The following ANK2 variants were observed in gnomAD, a reference collection of about 807,000 sequenced individuals.
ANK2 encodes ankyrin-2.
In ANK2, 83 loss-of-function variants were observed where a neutral mutation model predicts 360.5. That is an observed-to-expected ratio of 0.23 (90% CI 0.19 to 0.28). ANK2 has a LOEUF of 0.28. Ranked by LOEUF, ANK2 falls within the 10% of genes least tolerant of loss-of-function variation. The pLI, the probability that ANK2 is intolerant of heterozygous loss-of-function variation, is 1.00. For missense variants in ANK2, 4,201 were observed against 4,795.7 expected (o/e 0.88, Z 3.66); for synonymous variants, 1,740 against 1,759.5 (o/e 0.99, Z 0.28).
chr4:112,995,242 TTCCCTTTTC>T lies in ANK2; in HGVS notation c.21+90731_21+90739del, dbSNP rs142963470. Among the ~76,000 whole-genome samples the T allele has an allele frequency of 6.7e-3, 1,017 of 152,354 alleles. 15 individuals carry two copies. The highest frequency in any genetic ancestry group is 0.022 in the African/African-American group (927 of 41,584). ...CATTCCCACTAATAGTGTATGAGCA[TTCCCTTTTC>T]TCTGTAGTCTTGCCAACATCTGATA... On this transcript the variant is annotated intron_variant, in intron 2 of 30. Coordinates refer to the ANK2 transcript ENST00000503271.
rs60510554 is a variant in ANK2 at position 112,850,504 on chromosome 4, C to CTTTTTTTTTTTTTTTTTTTTTTTTTTT, written c.-40+32244_-40+32270dup. On this transcript the variant is annotated intron_variant, in intron 1 of 30. Transcript: ENST00000503271. ...TTTTTTTAACATTTCCTGTGCTAGT[C>CTTTTTTTTTTTTTTTTTTTTTTTTTTT]TTTTTTTTTTTTTTTTTTTTTTTTT... Among the ~76,000 whole-genome samples, 8 of 5,820 alleles carry CTTTTTTTTTTTTTTTTTTTTTTTTTTT rather than the reference C, an allele frequency of 1.4e-3. 4 individuals are homozygous for CTTTTTTTTTTTTTTTTTTTTTTTTTTT. Among genetic ancestry groups the CTTTTTTTTTTTTTTTTTTTTTTTTTTT allele is most frequent in the Non-Finnish European group, 2.3e-3 (8 of 3,408 alleles). The allele number at this position is 5,820 out of a possible 152,430, so 3.8% of individuals were successfully genotyped here. A position where few individuals can be genotyped will look rare whatever the true frequency, so the allele number is the denominator to read the frequency against.
At chr4:113,245,514 A>G (rs1023007565) in intron 9 of ANK2, among the ~76,000 whole-genome samples, 2 of 152,188 alleles carry the variant, frequency 1.3e-5, no homozygotes, top group Admixed American at 6.5e-5. Context: ...TCCTTCTTCA[A>G]ATGGTGGCAG....
intron 1 of ANK2, among the ~76,000 whole-genome samples, chr4:113,073,493 G>A (rs2078611282): frequency 6.6e-6 from 1 of 152,112 alleles, no homozygotes; most frequent in South Asian, 2.1e-4. Flanking sequence ...GGTGGAACTA[G>A]GATGCCAGCC....
the ANK2 span, among the ~76,000 whole-genome samples, chr4:112,712,010 T>C: frequency 8.0e-5 from 12 of 150,066 alleles, no homozygotes; most frequent in Non-Finnish European, 1.6e-4. Flanking sequence ...TTGCATTCTT[T>C]GTATATTTTT....
intron 1 of ANK2, among the ~76,000 whole-genome samples, chr4:112,851,857 C>T (rs1247932266): frequency 6.6e-6 from 1 of 152,148 alleles, no homozygotes; most frequent in Non-Finnish European, 1.5e-5. Flanking sequence ...CTGCTGACCT[C>T]GTGATCCACC....
chr4:112,776,100 T>C, the ANK2 span, among the ~76,000 whole-genome samples: 2 of 152,078 alleles, frequency 1.3e-5, no homozygotes, highest in Non-Finnish European at 2.9e-5. Flanking sequence ...TGGGGGAGTG[T>C]TCTGGTTAAG....
chr4:112,757,044 G>C, the ANK2 span, among the ~76,000 whole-genome samples: 1 of 151,090 alleles, frequency 6.6e-6, no homozygotes, highest in Non-Finnish European at 1.5e-5. Context: ...AAAAAAAATT[G>C]TTCTTACATC....
chr4:112,987,313 A>G (rs1357468806), intron 2 of ANK2, among the ~76,000 whole-genome samples: 2 of 152,180 alleles, frequency 1.3e-5, no homozygotes, highest in African/African-American at 4.8e-5. Context: ...CTGGGCTGGA[A>G]GCAGGTGGCC....
At chr4:112,925,249 A>G (rs774859742) in intron 2 of ANK2, among the ~76,000 whole-genome samples, 41 of 152,220 alleles carry the variant, frequency 2.7e-4, no homozygotes, top group Non-Finnish European at 5.4e-4. Flanking sequence ...GATAAAAGCT[A>G]GTTTTTTGAA....
chr4:113,007,508 GT>G (rs1486245348), intron 2 of ANK2, among the ~76,000 whole-genome samples: 1 of 152,138 alleles, frequency 6.6e-6, no homozygotes, highest in East Asian at 1.9e-4. Flanking sequence ...CTTAGAAAGT[GT>G]TTTATTCTCC....
At chr4:112,995,299 C>A (rs2048162042) in intron 2 of ANK2, among the ~76,000 whole-genome samples, 1 of 152,100 alleles carries the variant, frequency 6.6e-6, no homozygotes, top group Admixed American at 6.6e-5. Flanking sequence ...TTAATCATAG[C>A]CATTCTGACT....
At chr4:113,279,873 A>G (rs774818563) in intron 17 of ANK2, among the ~76,000 whole-genome samples, 1 of 151,964 alleles carries the variant, frequency 6.6e-6, no homozygotes, top group East Asian at 1.9e-4. Context: ...TCTTTTTTCT[A>G]CAACCTCATC....
chr4:113,168,016 A>C (rs2097808812), intron 1 of ANK2, among the ~76,000 whole-genome samples: 2 of 152,180 alleles, frequency 1.3e-5, no homozygotes, highest in Admixed American at 1.3e-4. Flanking sequence ...GAATTCATGA[A>C]TCTTGACACA....
chr4:113,024,011 G>A (rs1395165211), intron 2 of ANK2, among the ~76,000 whole-genome samples: 1 of 152,020 alleles, frequency 6.6e-6, no homozygotes, highest in African/African-American at 2.4e-5. Flanking sequence ...TTCTTCCTAG[G>A]GCTTACAAAA....
At chr4:113,379,077 C>T (rs2097072135) in intron 45 of ANK2, among the ~76,000 whole-genome samples, 1 of 152,022 alleles carries the variant, frequency 6.6e-6, no homozygotes, top group Non-Finnish European at 1.5e-5. Flanking sequence ...TGTCACAATT[C>T]CACCCACCAA....
At chr4:112,828,224 A>AT (rs1298270352) in intron 1 of ANK2, among the ~76,000 whole-genome samples, 1 of 143,322 alleles carries the variant, frequency 7.0e-6, no homozygotes, top group Non-Finnish European at 1.5e-5. Flanking sequence ...CTCAAGATGA[A>AT]TTACGGACTT....
intron 2 of ANK2, among the ~76,000 whole-genome samples, chr4:113,003,697 A>G (rs985300095): frequency 1.3e-5 from 2 of 152,206 alleles, no homozygotes; most frequent in Non-Finnish European, 2.9e-5. Flanking sequence ...ACACCACAGT[A>G]AATGATAGTG....
intron 45 of ANK2, among the ~76,000 whole-genome samples, chr4:113,378,861 C>T (rs1381227185): frequency 6.6e-6 from 1 of 151,802 alleles, no homozygotes; most frequent in African/African-American, 2.4e-5. Context: ...TCTACTCTGG[C>T]TTCTCACTGG....
chr4:113,037,428 A>G (rs1017060453), intron 2 of ANK2, among the ~76,000 whole-genome samples: 3 of 151,936 alleles, frequency 2.0e-5, no homozygotes, highest in Non-Finnish European at 4.4e-5. Context: ...CATTAAATGT[A>G]TTATTATTGT....
Sources: allele counts gnomAD v4.1 joint callset (sites outside exome capture counted in the v4.1 genomes callset), GRCh38; gene constraint gnomAD v4.1.1; transcripts MANE v1.5; gene names NCBI Gene and HGNC (gene_info 2026-07-23, HGNC 2026-07-21).